Variants in AGO4 observed in about 807,000 individuals in gnomAD.
AGO4 encodes argonaute RISC component 4, also known as protein argonaute-4.
AGO4 carries 33 observed loss-of-function variants against 104.7 expected under a neutral mutation model. That is an observed-to-expected ratio of 0.32 (90% CI 0.24 to 0.42). AGO4 has a LOEUF of 0.42. AGO4 is among the 10% of genes least tolerant of loss of function. The pLI is 1.00. For synonymous variants in AGO4, 331 were observed against 364.7 expected, an observed-to-expected ratio of 0.91 and a Z score of 1.05; for missense variants, 711 against 1,083.4, an observed-to-expected ratio of 0.66 and a Z score of 4.83.
intron 2 of AGO4, among the ~76,000 whole-genome samples, chr1:35,818,657 GAAAGGAAGA>G (rs1557552228): frequency 1.3e-4 from 16 of 124,952 alleles, no homozygotes; most frequent in Admixed American, 4.8e-4. Context: ...AAGAAAGAAA[GAAAGGAAGA>G]AAGGAAGGAA....
intron 7 of AGO4, among the ~76,000 whole-genome samples, chr1:35,829,840 T>TAAA (rs752406279): frequency 8.0e-5 from 5 of 62,168 alleles, no homozygotes; most frequent in Admixed American, 2.5e-4. Context: ...GACTACATCT[T>TAAA]AAAAAAAAAA....
intron 6 of AGO4, 75 bp downstream of exon 6, chr1:35,826,135 C>G (rs1370267260): frequency 6.4e-7 from 1 of 1,565,400 alleles, no homozygotes; most frequent in East Asian, 2.2e-5. Context: ...TGGAGTCACA[C>G]AGACCTGGGC....
At position 35,823,860 on chromosome 1, in the gene AGO4, G is replaced by C. The variant is rs575545633; in HGVS notation, c.306+878G>C. On this transcript the variant is annotated intron_variant, in intron 3 of 17. Coordinates refer to ENST00000373210, the MANE Select transcript of AGO4 (RefSeq NM_017629.4). The stretch of plus-strand genomic sequence containing the variant: ...AGCCTCCCAAAGTGCTGGGATTACA[G>C]GCATGAGCCACCACGCCCAGCGAGA... Among the ~76,000 whole-genome samples, 21 of 152,224 alleles carry C rather than the reference G, an allele frequency of 1.4e-4. No homozygotes were observed. In the South Asian group the frequency reaches 4.1e-3, roughly 30 times the overall value.
intron 13 of AGO4, among the ~76,000 whole-genome samples, chr1:35,838,440 G>A (rs1394748871): frequency 6.6e-6 from 1 of 152,102 alleles, no homozygotes; most frequent in African/African-American, 2.4e-5. Context: ...TTCCACCTTG[G>A]CCTCTGAAAG....
At position 35,831,045 on chromosome 1, in the gene AGO4, C is replaced by T. The variant is rs576464861; in HGVS notation, c.849-382C>T. On this transcript the variant is annotated intron_variant, in intron 7 of 17. Coordinates refer to ENST00000373210, the MANE Select transcript of AGO4 (RefSeq NM_017629.4). ...GATGAAGGTAGGAATTATTAGTGGG[C>T]TTTGTTTGTTTATTGTTTAGAAAAG... is the stretch of plus-strand genomic sequence containing the variant. Among the ~76,000 whole-genome samples the T allele has an allele frequency of 5.4e-5, 8 of 149,408 alleles. No individual in the cohort carries two copies. In the Middle Eastern group the frequency reaches 0.011, roughly 200 times the overall value.
At chr1:35,824,794 C>T (rs1335021366) in intron 3 of AGO4, among the ~76,000 whole-genome samples, 2 of 152,028 alleles carry the variant, frequency 1.3e-5, no homozygotes, top group African/African-American at 2.4e-5. Context: ...GAGCAGGACC[C>T]TGTCTCAAAA....
At chr1:35,819,533 G>C (rs1304973327) in intron 2 of AGO4, among the ~76,000 whole-genome samples, 2 of 151,916 alleles carry the variant, frequency 1.3e-5, no homozygotes, top group South Asian at 2.1e-4. Flanking sequence ...ATTGAGACCA[G>C]CCTGGCTAAT....
At position 35,841,472 on chromosome 1, in the gene AGO4, A is replaced by G. The variant is rs1302399683; in HGVS notation, c.2032A>G (p.Met678Val). 6.2e-7 allele frequency: 1 copy of G among 1,612,286 alleles called. No individual in the cohort carries two copies. The highest frequency in any genetic ancestry group is 1.3e-5 in the African/African-American group (1 of 74,902). The stretch of plus-strand genomic sequence containing the variant: ...CCGTGGAGGGGTATCTGAGGGACAA[A>G]TGAAACAGGTACTCTCATTATCCCT... ...YYRGGVSEGQ[M>V]KQVAWPELIA... The change falls in exon 14 of 18, where the codon ATG becomes GTG. Residue 678 changes from methionine (M) to valine (V), a missense_variant. By Grantham distance (21) the Met-to-Val change is conservative. This residue lies in a region of AGO4 where 401 missense variants were observed against 665.5 expected (regional missense o/e 0.60). Coordinates refer to ENST00000373210, the MANE Select transcript of AGO4 (RefSeq NM_017629.4). This position sits in a 1 kb window ranked among gnomAD's most constrained non-coding sequence, Gnocchi z 4.7.
Position 35,833,989 on chromosome 1 carries a change from G to T in AGO4, c.1380-1G>T. 6.6e-7 allele frequency: 1 copy of T among 1,515,110 alleles called. No individual in the cohort carries two copies. The highest frequency in any genetic ancestry group is 8.9e-7 in the Non-Finnish European group (1 of 1,127,756). 93.9% of individuals were successfully genotyped at this position (1,515,110 alleles called of 1,614,324 possible). A position where few individuals can be genotyped will look rare whatever the true frequency, so the allele number is the denominator to read the frequency against. ...CCGTGTTACTGGTTCTATTTTAACA[G>T]GAGTTTCACTGACCAGCTGCGTAAA... On this transcript the variant is annotated splice_acceptor_variant, in intron 11 of 17. Transcript: ENST00000373210. LOFTEE classifies it high-confidence loss of function.
At chr1:35,846,612 T>C (rs1412740166) in intron 15 of AGO4, among the ~76,000 whole-genome samples, 1 of 149,332 alleles carries the variant, frequency 6.7e-6, no homozygotes, top group Admixed American at 6.7e-5. Flanking sequence ...AAGATATATA[T>C]ATATATATAT....
At chr1:35,815,634 A>G (rs1455469219) in intron 1 of AGO4, among the ~76,000 whole-genome samples, 1 of 150,224 alleles carries the variant, frequency 6.7e-6, no homozygotes, top group Non-Finnish European at 1.5e-5. Context: ...TTCTTTTTTG[A>G]AATAGTTTGG....
intron 13 of AGO4, 48 bp downstream of exon 13, chr1:35,836,041 A>T (rs772516401): frequency 3.8e-6 from 6 of 1,582,264 alleles, no homozygotes; most frequent in Non-Finnish European, 3.4e-6. Context: ...TCTAACTTAC[A>T]TAATTTATGG....
chr1:35,851,129 T>A (rs565885830), intron 17 of AGO4, 76 bp downstream of exon 17: 1 of 1,393,732 alleles, frequency 7.2e-7, no homozygotes, highest in East Asian at 2.5e-5. Context: ...AATAGAAAAC[T>A]TTTTTAAGGA....
intron 15 of AGO4, among the ~76,000 whole-genome samples, chr1:35,842,434 A>C (rs1446094043): frequency 6.6e-6 from 1 of 152,248 alleles, no homozygotes; most frequent in Non-Finnish European, 1.5e-5. Flanking sequence ...GAATATTTAT[A>C]GTGTCGCACT....
chr1:35,840,558 C>G (rs1410599198), intron 13 of AGO4, among the ~76,000 whole-genome samples: 2 of 151,974 alleles, frequency 1.3e-5, no homozygotes, highest in African/African-American at 4.8e-5. Flanking sequence ...CTTGGCCTCC[C>G]AAAGTGCTGG....
chr1:35,857,469 A>T lies in AGO4; in HGVS notation c.*3864A>T, dbSNP rs1644840550. The stretch of plus-strand genomic sequence containing the variant: ...TATATTATTAGACCTGTAATGTTTT[A>T]AAATGTATTTTATTAAATTTGGACT... On this transcript the variant is annotated 3_prime_UTR_variant, in exon 18 of 18. Transcript: ENST00000373210. 1 of 152,206 alleles carries T rather than the reference A, an allele frequency of 6.6e-6. No individual in the cohort carries two copies. The highest frequency in any genetic ancestry group is 1.5e-5 in the Non-Finnish European group (1 of 68,042). 9.4% of individuals were successfully genotyped at this position (152,206 alleles called of 1,614,324 possible).
At chr1:35,851,279 G>A in intron 17 of AGO4, 1 of 550,536 alleles carries the variant, frequency 1.8e-6, no homozygotes. Context: ...TTAATTTGGA[G>A]CTGCTTGTGG....
chr1:35,836,247 C>T (rs769076247), intron 13 of AGO4, among the ~76,000 whole-genome samples: 13 of 152,122 alleles, frequency 8.5e-5, no homozygotes, highest in Non-Finnish European at 1.5e-4. Context: ...ATTACTTTTG[C>T]CCATTTTTGA....
intron 3 of AGO4, among the ~76,000 whole-genome samples, chr1:35,824,101 A>C (rs1643952199): frequency 6.6e-6 from 1 of 152,226 alleles, no homozygotes; most frequent in Non-Finnish European, 1.5e-5. Context: ...CTCACTTATG[A>C]AAATAGATTA....
Sources: gnomAD v4.1 joint callset for allele counts (sites outside exome capture counted in the v4.1 genomes callset) on GRCh38, gnomAD v4.1.1 for gene constraint, gnomAD v4.1.1 regional missense constraint, Gnocchi (gnomAD v3.1) non-coding constraint, MANE v1.5 for transcripts, NCBI Gene and HGNC (gene_info 2026-07-23, HGNC 2026-07-21) for gene names.